DTNA: variants seen among roughly 807,000 people sequenced by gnomAD.
DTNA encodes dystrophin-related protein 3.
Under a neutral mutation model 100.7 loss-of-function variants are expected in DTNA, and 43 were observed. That is an observed-to-expected ratio of 0.43 (90% CI 0.33 to 0.55). The LOEUF is 0.55. DTNA is among the 20% of genes least tolerant of loss of function. The pLI is 0.04. For synonymous variants in DTNA, 349 were observed against 347.9 expected (o/e 1.00, Z -0.04); for missense variants, 798 against 953.9 (o/e 0.84, Z 2.15).
rs898585501 is a variant in DTNA, at chr18:34,605,216, A to G, written c.-2+111702A>G. ...TGCAAACTTTTTAAAATAAATAATC[A>G]TGGGTCTTTTGGAGGTGGTCTTTGA... On this transcript the variant is annotated intron_variant, in intron 1 of 19. Coordinates refer to the DTNA transcript ENST00000283365. Among the ~76,000 whole-genome samples the G allele has an allele frequency of 5.9e-5, 9 of 151,996 alleles. No individual in the cohort carries two copies. In the East Asian group the frequency reaches 9.6e-4, roughly 16 times the overall value.
At chr18:34,844,679 A>T (rs962677521) in intron 13 of DTNA, among the ~76,000 whole-genome samples, 5 of 152,156 alleles carry the variant, frequency 3.3e-5, no homozygotes, top group Non-Finnish European at 4.4e-5. Context: ...ATATAGAAGC[A>T]TTTATATATG....
At chr18:34,778,462 C>T (rs1293077303) in intron 3 of DTNA, among the ~76,000 whole-genome samples, 2 of 152,126 alleles carry the variant, frequency 1.3e-5, no homozygotes, top group African/African-American at 2.4e-5. Flanking sequence ...ATGTACATAA[C>T]ATTTTAACCA....
intron 1 of DTNA, among the ~76,000 whole-genome samples, chr18:34,647,904 G>A (rs1052844724): frequency 2.6e-5 from 4 of 152,172 alleles, no homozygotes; most frequent in Non-Finnish European, 5.9e-5. Flanking sequence ...TACCTCCATG[G>A]ATGAATGAAT....
intron 1 of DTNA, among the ~76,000 whole-genome samples, chr18:34,536,434 T>C (rs953473874): frequency 2.0e-5 from 3 of 151,978 alleles, no homozygotes; most frequent in African/African-American, 7.2e-5. Context: ...AAACATGTTA[T>C]TGATTCTTTT....
At chr18:34,520,728 A>G (rs999619281) in intron 1 of DTNA, among the ~76,000 whole-genome samples, 2 of 152,118 alleles carry the variant, frequency 1.3e-5, no homozygotes, top group East Asian at 1.9e-4. Flanking sequence ...CCCTTTCTCT[A>G]TTGTTTATCT....
intron 18 of DTNA, among the ~76,000 whole-genome samples, chr18:34,875,927 GGAT>G (rs1254207089): frequency 1.3e-5 from 2 of 152,110 alleles, no homozygotes; most frequent in East Asian, 3.9e-4. Context: ...AGAGGGATGG[GGAT>G]GCCAGCCAGC....
chr18:34,555,226 C>T (rs1457373226), intron 1 of DTNA, among the ~76,000 whole-genome samples: 10 of 143,392 alleles, frequency 7.0e-5, no homozygotes, highest in Non-Finnish European at 4.6e-5. Context: ...GTGATATCCC[C>T]TTTATCATTT....
chr18:34,872,520 T>G (rs2096775436), intron 17 of DTNA, among the ~76,000 whole-genome samples: 1 of 152,208 alleles, frequency 6.6e-6, no homozygotes, highest in Non-Finnish European at 1.5e-5. Flanking sequence ...AGATATCGTA[T>G]CAGTTACCTC....
At chr18:34,571,459 G>C (rs1297515806) in intron 1 of DTNA, among the ~76,000 whole-genome samples, 1 of 152,094 alleles carries the variant, frequency 6.6e-6, no homozygotes, top group Non-Finnish European at 1.5e-5. Flanking sequence ...ATTCTGAACA[G>C]ACTGAGTGTG....
intron 1 of DTNA, among the ~76,000 whole-genome samples, chr18:34,530,293 T>G (rs1370358511): frequency 1.3e-5 from 2 of 152,100 alleles, no homozygotes; most frequent in Non-Finnish European, 2.9e-5. Context: ...ATAAAAATGG[T>G]AAATCTTTTA....
At chr18:34,612,256 A>G (rs2054365129) in intron 1 of DTNA, among the ~76,000 whole-genome samples, 1 of 152,140 alleles carries the variant, frequency 6.6e-6, no homozygotes, top group African/African-American at 2.4e-5. Flanking sequence ...GACCTCTGGG[A>G]TCCTGCAGCT....
Position 34,778,966 on chromosome 18 carries a change from C to T in DTNA, c.148+12925C>T, listed in dbSNP as rs550739176. ...CCAAGTAGCTGGGACTACAGGCGCCCGCCACCATGCCCAGCTAATTTTTTT... is the reference window on the plus strand; with the variant it reads ...CCAAGTAGCTGGGACTACAGGCGCCTGCCACCATGCCCAGCTAATTTTTTT... On this transcript the variant is annotated intron_variant, in intron 3 of 22. Coordinates refer to ENST00000444659, the MANE Select transcript of DTNA (RefSeq NM_001386795.1). Among the ~76,000 whole-genome samples the T allele has an allele frequency of 6.3e-3, 955 of 151,670 alleles. 15 individuals carry two copies. The highest frequency in any genetic ancestry group is 0.022 in the African/African-American group (894 of 41,292).
At chr18:34,695,007 A>G (rs1205312411) in intron 1 of DTNA, among the ~76,000 whole-genome samples, 1 of 152,094 alleles carries the variant, frequency 6.6e-6, no homozygotes. Flanking sequence ...CACCACCTGA[A>G]TCCCTGGCAT....
At chr18:34,849,785 A>G (rs1353281054) in intron 14 of DTNA, among the ~76,000 whole-genome samples, 1 of 152,214 alleles carries the variant, frequency 6.6e-6, no homozygotes, top group Non-Finnish European at 1.5e-5. Context: ...AGGCAGCTGG[A>G]GTGGAGGCAT....
chr18:34,522,551 C>A lies in DTNA; in HGVS notation c.-2+29037C>A, dbSNP rs143658074. 2.9e-3 allele frequency among the ~76,000 whole-genome samples: 448 copies of A among 152,308 alleles called. 1 individual carries two copies. The highest frequency in any genetic ancestry group is 0.01 in the African/African-American group (427 of 41,570). ...TTTGTCCATGGCCTCCTTGACCACT[C>A]TGAGCCATTTCCTACAGGAAGTTTT... On this transcript the variant is annotated intron_variant, in intron 1 of 19. Coordinates refer to the DTNA transcript ENST00000283365.
intron 1 of DTNA, among the ~76,000 whole-genome samples, chr18:34,551,329 A>T (rs2045389991): frequency 6.6e-6 from 1 of 152,146 alleles, no homozygotes; most frequent in African/African-American, 2.4e-5. Flanking sequence ...TATATCCCAC[A>T]GGTGTTCGCC....
At position 34,597,057 on chromosome 18, in the gene DTNA, A is replaced by G. The variant is rs1277096782; in HGVS notation, c.-2+103543A>G. ...GTGATGTTCCCCTCCCTGTGCCCAT[A>G]TATTCTCATTGTTCAACTCCCACTT... On this transcript the variant is annotated intron_variant, in intron 1 of 19. Coordinates refer to the DTNA transcript ENST00000283365. Among the ~76,000 whole-genome samples the G allele has an allele frequency of 4.0e-5, 6 of 151,826 alleles. 1 individual carries two copies. The highest frequency in any genetic ancestry group is 3.3e-4 in the Admixed American group (5 of 15,246).
At chr18:34,799,008 C>T (rs2095103112) in intron 4 of DTNA, among the ~76,000 whole-genome samples, 1 of 152,138 alleles carries the variant, frequency 6.6e-6, no homozygotes, top group African/African-American at 2.4e-5. Flanking sequence ...TTCTCCCAGA[C>T]TTGTTTTGCT....
chr18:34,548,338 G>C (rs1244237791), intron 1 of DTNA, among the ~76,000 whole-genome samples: 1 of 152,018 alleles, frequency 6.6e-6, no homozygotes, highest in Non-Finnish European at 1.5e-5. Flanking sequence ...AAGCTGTAAG[G>C]GTAAAGGTCA....
Sources: gnomAD v4.1 joint callset for allele counts (sites outside exome capture counted in the v4.1 genomes callset) on GRCh38, gnomAD v4.1.1 for gene constraint, MANE v1.5 for transcripts, NCBI Gene and HGNC (gene_info 2026-07-23, HGNC 2026-07-21) for gene names.